The following MYO3B variants were observed in gnomAD, a reference collection of about 807,000 sequenced individuals.
The protein encoded by MYO3B is myosin IIIB, also known as myosin-IIIb.
Under a neutral mutation model 174.6 loss-of-function variants are expected in MYO3B, and 156 were observed. That is an observed-to-expected ratio of 0.89 (90% CI 0.78 to 1.02). MYO3B has a LOEUF of 1.02. Among genes scored for constraint, MYO3B ranks in the 50% least tolerant of loss-of-function variants. MYO3B has a pLI of 0.00. For missense variants in MYO3B, 1,632 were observed against 1,639.4 expected, an observed-to-expected ratio of 1.00 and a Z score of 0.08; for synonymous variants, 563 against 569.1, an observed-to-expected ratio of 0.99 and a Z score of 0.15.
At chr2:170,609,461 A>G (rs977935337) in intron 32 of MYO3B, among the ~76,000 whole-genome samples, 3 of 152,176 alleles carry the variant, frequency 2.0e-5, no homozygotes, top group African/African-American at 7.2e-5. Context: ...AACAATCCCT[A>G]TGTGCCCTTC....
intron 7 of MYO3B, among the ~76,000 whole-genome samples, chr2:170,241,890 G>A (rs1009813424): frequency 6.6e-6 from 1 of 152,026 alleles, no homozygotes; most frequent in African/African-American, 2.4e-5. Context: ...GTTCCTATAT[G>A]GGAAGCAGTA....
At chr2:170,649,169 ATATAT>A (rs1215483286) in intron 32 of MYO3B, among the ~76,000 whole-genome samples, 17 of 61,008 alleles carry the variant, frequency 2.8e-4, no homozygotes, top group Middle Eastern at 0.017. Context: ...ATAATATATA[ATATAT>A]TATATATAAA....
intron 7 of MYO3B, among the ~76,000 whole-genome samples, chr2:170,302,719 C>T (rs6751474): frequency 0.3 from 46,005 of 152,082 alleles, 9,791 homozygotes; most frequent in African/African-American, 0.59. Context: ...TCTTCTTGCA[C>T]TGAGATCACT....
At chr2:170,406,942 T>C (rs1267842445) in intron 21 of MYO3B, among the ~76,000 whole-genome samples, 2 of 152,042 alleles carry the variant, frequency 1.3e-5, no homozygotes, top group African/African-American at 4.8e-5. Context: ...CTTAAAGTGG[T>C]TGTGAGCATA....
intron 32 of MYO3B, among the ~76,000 whole-genome samples, chr2:170,624,326 T>C (rs529195291): frequency 2.6e-5 from 4 of 152,330 alleles, no homozygotes; most frequent in African/African-American, 9.6e-5. Flanking sequence ...TTTTATTCTC[T>C]TTGTAGGAAT....
At chr2:170,384,330 C>G (rs1291234107) in intron 12 of MYO3B, among the ~76,000 whole-genome samples, 1 of 152,184 alleles carries the variant, frequency 6.6e-6, no homozygotes, top group African/African-American at 2.4e-5. Context: ...ATACTAAACA[C>G]AGGCTCATCC....
chr2:170,292,301 T>G (rs1487068691), intron 7 of MYO3B, among the ~76,000 whole-genome samples: 1 of 152,192 alleles, frequency 6.6e-6, no homozygotes, highest in Non-Finnish European at 1.5e-5. Context: ...TTGTTAAATT[T>G]CTCTGATAAA....
chr2:170,499,833 A>G, intron 27 of MYO3B, 25 bp downstream of exon 27: 2 of 1,611,434 alleles, frequency 1.2e-6, no homozygotes, highest in Non-Finnish European at 1.7e-6. Context: ...TCTCATAAAT[A>G]CTGCCCTGGG....
intron 16 of MYO3B, 27 bp from the exon 17 acceptor site, chr2:170,400,161 A>G (rs754398515): frequency 6.2e-7 from 1 of 1,613,946 alleles, no homozygotes; most frequent in Non-Finnish European, 8.5e-7. Flanking sequence ...AATGACCTTC[A>G]TATATGGTTC....
At chr2:170,319,210 G>A (rs1164347593) in intron 7 of MYO3B, among the ~76,000 whole-genome samples, 1 of 152,098 alleles carries the variant, frequency 6.6e-6, no homozygotes, top group Non-Finnish European at 1.5e-5. Flanking sequence ...CATTTTCTAG[G>A]TTATAAATTT....
At chr2:170,574,037 C>T (rs1159762194) in intron 32 of MYO3B, among the ~76,000 whole-genome samples, 3 of 152,134 alleles carry the variant, frequency 2.0e-5, no homozygotes, top group Non-Finnish European at 4.4e-5. Flanking sequence ...AGCAAAATGA[C>T]TTGCAGCAGC....
intron 32 of MYO3B, among the ~76,000 whole-genome samples, chr2:170,597,146 A>AC: frequency 6.6e-6 from 1 of 152,094 alleles, no homozygotes; most frequent in East Asian, 1.9e-4. Flanking sequence ...CATGGAACAA[A>AC]CCCTTGAAAG....
intron 7 of MYO3B, among the ~76,000 whole-genome samples, chr2:170,252,396 A>G (rs908610218): frequency 1.3e-5 from 2 of 152,370 alleles, no homozygotes; most frequent in Middle Eastern, 3.4e-3. Context: ...ATGTTTGCCA[A>G]AGAGTTTGGC....
intron 32 of MYO3B, among the ~76,000 whole-genome samples, chr2:170,571,536 A>T (rs1281548884): frequency 6.6e-6 from 1 of 152,218 alleles, no homozygotes; most frequent in South Asian, 2.1e-4. Flanking sequence ...GTGGAGAACC[A>T]CTAAAGATAG....
chr2:170,648,879 C>T (rs1286365953), intron 32 of MYO3B, among the ~76,000 whole-genome samples: 1 of 52,962 alleles, frequency 1.9e-5, no homozygotes, highest in African/African-American at 6.8e-5. Context: ...TGTTTATATT[C>T]TATATATTAT....
chr2:170,540,191 G>A (rs994616338), intron 30 of MYO3B, among the ~76,000 whole-genome samples: 15 of 152,048 alleles, frequency 9.9e-5, no homozygotes, highest in African/African-American at 3.6e-4. Flanking sequence ...TGTGGTGGTA[G>A]CACATGCCTG....
chr2:170,495,281 G>A (rs1373946416), intron 25 of MYO3B, among the ~76,000 whole-genome samples: 1 of 152,164 alleles, frequency 6.6e-6, no homozygotes, highest in African/African-American at 2.4e-5. Flanking sequence ...GTACACAGGA[G>A]CTCAAAGTGA....
intron 30 of MYO3B, among the ~76,000 whole-genome samples, chr2:170,536,068 C>T (rs1471673205): frequency 6.6e-6 from 1 of 152,188 alleles, no homozygotes; most frequent in Non-Finnish European, 1.5e-5. Context: ...GACTTTTACA[C>T]AGTGACAGCT....
intron 3 of MYO3B, among the ~76,000 whole-genome samples, chr2:170,212,283 T>C (rs2092780348): frequency 1.3e-5 from 2 of 151,826 alleles, no homozygotes; most frequent in Admixed American, 6.6e-5. Flanking sequence ...GAATCTCTTA[T>C]TTTTATGCCA....
Sources: allele counts gnomAD v4.1 joint callset (sites outside exome capture counted in the v4.1 genomes callset), GRCh38; gene constraint gnomAD v4.1.1; transcripts MANE v1.5; gene names NCBI Gene and HGNC (gene_info 2026-07-23, HGNC 2026-07-21).